Variants in KIAA1755 observed in about 807,000 individuals in gnomAD.
The protein encoded by KIAA1755 is KIAA1755, also known as uncharacterized protein KIAA1755.
Under a neutral mutation model 91.7 loss-of-function variants are expected in KIAA1755, and 68 were observed. The ratio of observed to expected loss-of-function variants is 0.74; its 90% CI spans 0.61 to 0.91. The LOEUF is 0.91. Among genes scored for constraint, KIAA1755 ranks in the 40% least tolerant of loss-of-function variants. The probability of loss-of-function intolerance (pLI) is 0.00; values close to 1 mark genes in which losing one functional copy is unlikely to be tolerated. For synonymous variants in KIAA1755, 610 were observed against 604.6 expected, an observed-to-expected ratio of 1.01 and a Z score of -0.13; for missense variants, 1,535 against 1,494.4, an observed-to-expected ratio of 1.03 and a Z score of -0.45.
intron 1 of KIAA1755, chr20:38,260,136 A>C: frequency 8.3e-7 from 1 of 1,205,766 alleles, no homozygotes; most frequent in East Asian, 4.3e-5. Context: ...CCCTGCCGGG[A>C]CAATGTGCAT....
intron 1 of KIAA1755, among the ~76,000 whole-genome samples, chr20:38,254,472 G>A (rs939939653): frequency 2.6e-5 from 4 of 152,130 alleles, no homozygotes; most frequent in Non-Finnish European, 5.9e-5. Context: ...GGCCCTTCCA[G>A]TAGGGGCATT....
intron 2 of KIAA1755, among the ~76,000 whole-genome samples, chr20:38,244,929 T>C (rs1168163163): frequency 6.6e-6 from 1 of 152,114 alleles, no homozygotes; most frequent in Non-Finnish European, 1.5e-5. Context: ...GGTTTCACCA[T>C]GTTGGCCAGG....
chr20:38,250,685 G>A (rs952850379), intron 1 of KIAA1755, among the ~76,000 whole-genome samples: 5 of 152,184 alleles, frequency 3.3e-5, no homozygotes, highest in African/African-American at 1.2e-4. Context: ...GGAGGTTGGA[G>A]GAGATGGTGT....
rs1487479414 is a variant in KIAA1755, at chr20:38,217,055, TC to T, written c.2901+197del. The T allele has an allele frequency of 4.7e-5, 30 of 640,718 alleles. No homozygotes were observed. In the East Asian group the frequency reaches 7.7e-4, roughly 16 times the overall value. 39.7% of individuals were successfully genotyped at this position (640,718 alleles called of 1,614,324 possible). A position where few individuals can be genotyped will look rare whatever the true frequency, so the allele number is the denominator to read the frequency against. On this transcript the variant is annotated intron_variant, in intron 13 of 13. Coordinates refer to ENST00000279024, the MANE Select transcript of KIAA1755 (RefSeq NM_001029864.2). ...CTCCGACTGTGTCTGGGTATCCCTG[TC>T]CCTGCTGTGCCCCCAGCCAGGGGAT...
intron 1 of KIAA1755, among the ~76,000 whole-genome samples, chr20:38,247,542 A>G (rs2123285588): frequency 1.3e-5 from 2 of 152,314 alleles, no homozygotes; most frequent in Middle Eastern, 6.8e-3. Context: ...CTGGGATCCT[A>G]TAGTACCCCT....
Position 38,260,645 on chromosome 20 carries a change from G to C in KIAA1755, c.-145C>G. 1 of 990,812 alleles carries C rather than the reference G, an allele frequency of 1.0e-6. No homozygotes were observed. Among genetic ancestry groups the C allele is most frequent in the Non-Finnish European group, 1.4e-6 (1 of 738,116 alleles). 61.4% of individuals were successfully genotyped at this position (990,812 alleles called of 1,614,324 possible). A position where few individuals can be genotyped will look rare whatever the true frequency, so the allele number is the denominator to read the frequency against. On this transcript the variant is annotated 5_prime_UTR_variant, in exon 1 of 14. Coordinates refer to ENST00000279024, the MANE Select transcript of KIAA1755 (RefSeq NM_001029864.2). ...AGGGCAGGCCCGGGGCACCGACCCC[G>C]GCGTCATCTCGGAGGAGCGGCCGGG...
intron 1 of KIAA1755, among the ~76,000 whole-genome samples, chr20:38,254,904 C>T (rs936491927): frequency 2.6e-5 from 4 of 152,022 alleles, no homozygotes; most frequent in Non-Finnish European, 5.9e-5. Flanking sequence ...TGGCTGGGCA[C>T]GGTGGCTCAT....
chr20:38,231,460 A>T, intron 4 of KIAA1755, 135 bp from the exon 5 acceptor site: 1 of 1,016,434 alleles, frequency 9.8e-7, no homozygotes, highest in Non-Finnish European at 1.4e-6. Context: ...TCCTTCTGTG[A>T]ACTCTGACTT....
intron 6 of KIAA1755, 113 bp downstream of exon 6, chr20:38,228,034 C>A (rs983939042): frequency 1.6e-6 from 1 of 643,558 alleles, no homozygotes; most frequent in Admixed American, 3.8e-5. Context: ...AGTAAAAGTC[C>A]CTGCCTGAGA....
In KIAA1755 at chr20:38,213,717, C is replaced by T. The variant is rs2075494925; in HGVS notation, c.2928G>A (p.Gln976=). The T allele has an allele frequency of 6.7e-7, 1 of 1,501,362 alleles. No individual in the cohort carries two copies. The allele number at this position is 1,501,362 out of a possible 1,614,324, so 93.0% of individuals were successfully genotyped here. A position where few individuals can be genotyped will look rare whatever the true frequency, so the allele number is the denominator to read the frequency against. The change falls in exon 14 of 14, where the codon CAG becomes CAA. Residue 976 remains glutamine (Q), a synonymous_variant. Transcript: ENST00000279024. ...CCAGCCTGAGCTGGGCCATCAGGTC[C>T]TGACAGTCCATGTGGAACCAGGTCA... The part of the protein sequence containing the change: ...KRMTWFHMDC[Q]DLMAQLRLDK...
intron 1 of KIAA1755, among the ~76,000 whole-genome samples, chr20:38,250,564 CAAGA>C (rs2076233768): frequency 1.3e-5 from 2 of 148,846 alleles, no homozygotes; most frequent in African/African-American, 2.5e-5. Flanking sequence ...GTTTAATAGG[CAAGA>C]AAGAAAGAAG....
chr20:38,253,782 A>T (rs2076292468), intron 1 of KIAA1755, among the ~76,000 whole-genome samples: 1 of 152,244 alleles, frequency 6.6e-6, no homozygotes, highest in Admixed American at 6.5e-5. Flanking sequence ...AGGAGGGGAA[A>T]AAATAAAAGT....
chr20:38,229,374 G>A (rs576717443), intron 5 of KIAA1755, among the ~76,000 whole-genome samples: 1 of 152,324 alleles, frequency 6.6e-6, no homozygotes, highest in Admixed American at 6.5e-5. Context: ...TATCCTAGAA[G>A]GGGAAACTGA....
At chr20:38,232,194 G>C (rs893009906) in intron 4 of KIAA1755, among the ~76,000 whole-genome samples, 2 of 152,224 alleles carry the variant, frequency 1.3e-5, no homozygotes, top group East Asian at 3.8e-4. Context: ...ACCACCCTCT[G>C]CAGCGTGCAA....
chr20:38,248,754 A>G (rs896325519), intron 1 of KIAA1755, among the ~76,000 whole-genome samples: 2 of 151,382 alleles, frequency 1.3e-5, no homozygotes, highest in African/African-American at 4.9e-5. Flanking sequence ...GCTGGAGTGC[A>G]GTGTTCCGAT....
chr20:38,249,662 G>C (rs1414565883), intron 1 of KIAA1755, among the ~76,000 whole-genome samples: 1 of 151,562 alleles, frequency 6.6e-6, no homozygotes, highest in African/African-American at 2.4e-5. Context: ...TGAGCTCAGA[G>C]AGGATGATGG....
rs2075615634 is a variant in KIAA1755, at chr20:38,219,481, G to A, written c.2556+149C>T. ...CACCAGGTCATGTGCTACGCCCCAA[G>A]GATGCCTGCCTGGCCTTTGAAGGAT... is the stretch of plus-strand genomic sequence containing the variant. On this transcript the variant is annotated intron_variant, in intron 11 of 13. Transcript: ENST00000279024. The A allele has an allele frequency of 3.0e-6, 3 of 1,002,210 alleles. No homozygotes were observed. The South Asian group carries it at 4.8e-5, about 16-fold the overall frequency. The allele number at this position is 1,002,210 out of a possible 1,614,324, so 62.1% of individuals were successfully genotyped here. A position where few individuals can be genotyped will look rare whatever the true frequency, so the allele number is the denominator to read the frequency against.
Position 38,231,272 on chromosome 20 carries a change from C to A in KIAA1755, c.1801G>T (p.Ala601Ser). The change falls in exon 5 of 14, where the codon GCC becomes TCC. Residue 601 changes from alanine to serine, a missense_variant. Transcript: ENST00000279024. The stretch of plus-strand genomic sequence containing the variant: ...ACTGTGCACCATGGTGCCTCCCAGG[C>A]CCCCTCTGTAGTTGACACCAGAAGC... ...PLLLVSTTEG[A>S]WEAPWCTVSE... 3 of 1,612,704 alleles carry A rather than the reference C, an allele frequency of 1.9e-6. No individual in the cohort carries two copies. The highest frequency in any genetic ancestry group is 4.5e-5 in the East Asian group (2 of 44,846).
intron 12 of KIAA1755, 194 bp from the exon 13 acceptor site, chr20:38,217,668 A>T (rs2075574632): frequency 1.7e-6 from 1 of 594,918 alleles, no homozygotes; most frequent in African/African-American, 1.9e-5. Context: ...TGAACAATTA[A>T]GAGCAGTTAT....
Sources: gnomAD v4.1 joint callset for allele counts (sites outside exome capture counted in the v4.1 genomes callset) on GRCh38, gnomAD v4.1.1 for gene constraint, MANE v1.5 for transcripts, NCBI Gene and HGNC (gene_info 2026-07-23, HGNC 2026-07-21) for gene names.